Variants in NOSTRIN observed in about 807,000 individuals in gnomAD.
NOSTRIN encodes nitric oxide synthase trafficking, also known as BM247 homolog.
A neutral mutation model predicts 59.0 loss-of-function variants in NOSTRIN; 63 were observed. That is an observed-to-expected ratio of 1.07 (90% CI 0.87 to 1.32). The LOEUF is 1.32. Ranked by LOEUF, NOSTRIN falls within the 40% of genes most tolerant of loss-of-function variation. The pLI is 0.00. For missense variants in NOSTRIN, 512 were observed against 473.1 expected (o/e 1.08, Z -0.76); for synonymous variants, 200 against 165.4 (o/e 1.21, Z -1.61).
At chr2:168,796,556 G>T (rs1460483693), upstream of NOSTRIN, among the ~76,000 whole-genome samples, 1 of 152,164 alleles carries the variant, frequency 6.6e-6, no homozygotes, top group African/African-American at 2.4e-5. Context: ...GCTCATTCTA[G>T]ACTCCAGCTC....
rs768583694 is a variant in NOSTRIN at position 168,859,550 on chromosome 2, C to CA, written c.1095dup (p.Leu366ThrfsTer9). The CA allele has an allele frequency of 1.2e-6, 2 of 1,614,114 alleles. No individual in the cohort carries two copies. Among genetic ancestry groups the CA allele is most frequent in the Non-Finnish European group, 8.5e-7 (1 of 1,179,992 alleles). On this transcript the variant is annotated frameshift_variant, in exon 13 of 16. Coordinates refer to ENST00000317647, the MANE Select transcript of NOSTRIN (RefSeq NM_001039724.4). LOFTEE classifies it high-confidence loss of function. ...TAGACCTTTTGGAAGCGAACTCCTACAAACTGTCATCAATGTTAGCAGAAC... is the reference window on the plus strand; with the variant it reads ...TAGACCTTTTGGAAGCGAACTCCTACAAAACTGTCATCAATGTTAGCAGAAC...
intron 8 of NOSTRIN, among the ~76,000 whole-genome samples, chr2:168,844,469 G>C (rs927780464): frequency 2.6e-5 from 4 of 152,178 alleles, no homozygotes; most frequent in Non-Finnish European, 5.9e-5. Flanking sequence ...AGTACTTGGT[G>C]CTCAGTGCTC....
intron 2 of NOSTRIN, among the ~76,000 whole-genome samples, chr2:168,812,471 T>C (rs1400988858): frequency 6.6e-6 from 1 of 152,136 alleles, no homozygotes; most frequent in Middle Eastern, 3.2e-3. Context: ...GAGATACTCT[T>C]CTGAAAACGA....
At chr2:168,795,284 T>C (rs1353308242), upstream of NOSTRIN, among the ~76,000 whole-genome samples, 1 of 152,226 alleles carries the variant, frequency 6.6e-6, no homozygotes, top group African/African-American at 2.4e-5. Flanking sequence ...AAATTGAGAT[T>C]TGTAAGACTG....
At chr2:168,848,489 C>T (rs1688559133) in intron 8 of NOSTRIN, among the ~76,000 whole-genome samples, 1 of 152,246 alleles carries the variant, frequency 6.6e-6, no homozygotes, top group South Asian at 2.1e-4. Context: ...GTGATTGGCA[C>T]AGATGTTCAT....
intron 2 of NOSTRIN, among the ~76,000 whole-genome samples, chr2:168,816,668 C>G (rs747567579): frequency 8.5e-5 from 13 of 152,196 alleles, no homozygotes; most frequent in Non-Finnish European, 1.9e-4. Context: ...AAAAAATGTT[C>G]CTCAGTTCTA....
At chr2:168,851,007 G>A (rs1688734130) in intron 8 of NOSTRIN, 77 bp from the exon 9 acceptor site, 1 of 914,014 alleles carries the variant, frequency 1.1e-6, no homozygotes, top group African/African-American at 1.6e-5. Flanking sequence ...CTGTCTTCAG[G>A]TGTGTCAGTG....
chr2:168,856,722 ACCT>A lies in NOSTRIN; in HGVS notation c.1004_1006del (p.Ser335del). ...ACGAATGCTTAAAACGTACTCCAGC[ACCT>A]CCTCCTTCTCTGATGCAAAGAGCCA... On this transcript the variant is annotated inframe_deletion, in exon 12 of 16. Transcript: ENST00000317647. The A allele has an allele frequency of 1.9e-6, 3 of 1,614,102 alleles. No homozygotes were observed. The highest frequency in any genetic ancestry group is 2.5e-6 in the Non-Finnish European group (3 of 1,180,010).
intron 3 of NOSTRIN, among the ~76,000 whole-genome samples, chr2:168,826,299 T>G (rs1246815138): frequency 1.3e-5 from 2 of 152,176 alleles, no homozygotes; most frequent in African/African-American, 4.8e-5. Context: ...AGGTCCAGAA[T>G]GTTAGGCCAA....
At chr2:168,809,465 T>C (rs984117497) in intron 1 of NOSTRIN, among the ~76,000 whole-genome samples, 3 of 152,178 alleles carry the variant, frequency 2.0e-5, no homozygotes, top group African/African-American at 7.2e-5. Flanking sequence ...ATTTAGGCAT[T>C]TTCTTCTCAT....
chr2:168,797,079 C>CTTTTTTTTTTTTTTTTTTTTTTTT (rs775176252), upstream of NOSTRIN, among the ~76,000 whole-genome samples: 14 of 75,052 alleles, frequency 1.9e-4, 1 homozygote, highest in Middle Eastern at 8.9e-3. Context: ...TTTCTTTTTT[C>CTTTTTTTTTTTTTTTTTTTTTTTT]TTTTTTTTTT....
intron 7 of NOSTRIN, among the ~76,000 whole-genome samples, chr2:168,841,738 AAG>A (rs1410102870): frequency 6.6e-6 from 1 of 152,236 alleles, no homozygotes; most frequent in Non-Finnish European, 1.5e-5. Flanking sequence ...AATCACTGAC[AAG>A]AGACAGATGA....
At position 168,834,118 on chromosome 2, in the gene NOSTRIN, A is replaced by G. The variant is rs115406628; in HGVS notation, c.406-109A>G. The stretch of plus-strand genomic sequence containing the variant: ...CAGCCTTTGGAGGATTCTAGGATAC[A>G]TAATTGTTAAAGCTAGCACATGAAT... On this transcript the variant is annotated intron_variant, in intron 6 of 15. Transcript: ENST00000317647. 2,289 of 652,294 alleles carry G rather than the reference A, an allele frequency of 3.5e-3. 40 individuals carry two copies. The African/African-American group carries it at 0.036, about 10-fold the overall frequency. The allele number at this position is 652,294 out of a possible 1,614,324, so 40.4% of individuals were successfully genotyped here.
At chr2:168,851,871 A>G (rs1688787634) in intron 10 of NOSTRIN, among the ~76,000 whole-genome samples, 1 of 152,138 alleles carries the variant, frequency 6.6e-6, no homozygotes, top group African/African-American at 2.4e-5. Flanking sequence ...ACCCCTCCCA[A>G]GGCTGCAATC....
chr2:168,836,736 C>A (rs954093960), intron 7 of NOSTRIN, among the ~76,000 whole-genome samples: 4 of 152,198 alleles, frequency 2.6e-5, no homozygotes, highest in Admixed American at 1.3e-4. Context: ...GAAGTAATAG[C>A]ATTTACATAT....
At position 168,820,948 on chromosome 2, in the gene NOSTRIN, A is replaced by T. The variant is rs114444109; in HGVS notation, c.114-3686A>T. Among the ~76,000 whole-genome samples, 689 of 152,346 alleles carry T rather than the reference A, an allele frequency of 4.5e-3. 3 individuals carry two copies. The highest frequency in any genetic ancestry group is 0.016 in the African/African-American group (662 of 41,572). On this transcript the variant is annotated intron_variant, in intron 2 of 15. Coordinates refer to ENST00000317647, the MANE Select transcript of NOSTRIN (RefSeq NM_001039724.4). ...TTCTGAGGAAGAGGCTGTGACTGAC[A>T]GTGTTACCTTTCCTGTTAAAAACCA... is the stretch of plus-strand genomic sequence containing the variant.
intron 1 of NOSTRIN, among the ~76,000 whole-genome samples, chr2:168,808,502 G>A (rs1381500908): frequency 6.6e-6 from 1 of 152,198 alleles, no homozygotes; most frequent in Non-Finnish European, 1.5e-5. Context: ...CCGTAAACAT[G>A]CATCCAGGTC....
chr2:168,789,124 G>T (rs1045809511), intron 2 of NOSTRIN, among the ~76,000 whole-genome samples: 1 of 152,108 alleles, frequency 6.6e-6, no homozygotes, highest in African/African-American at 2.4e-5. Context: ...GCAAAGGCTG[G>T]GTGTGGAACA....
rs748608260 is a variant in NOSTRIN at position 168,843,065 on chromosome 2, C to T, written c.578C>T (p.Ala193Val). The change falls in exon 8 of 16, where the codon GCG (alanine) becomes GTG (valine). Residue 193 changes from alanine to valine, a missense_variant. Ala to Val is a moderately conservative substitution (Grantham distance 64). Transcript: ENST00000317647. The part of the protein sequence containing the change: ...EDENYYQKNM[A>V]GYSTRLKWEN... ...GAAAATTACTACCAAAAAAACATGG[C>T]GGGTTATTCTACCAGACTGAAATGG... The T allele has an allele frequency of 2.8e-5, 24 of 872,068 alleles. No individual in the cohort carries two copies. Among genetic ancestry groups the T allele is most frequent in the East Asian group, 9.6e-5 (4 of 41,680 alleles). 54.0% of individuals were successfully genotyped at this position (872,068 alleles called of 1,614,324 possible). A position where few individuals can be genotyped will look rare whatever the true frequency, so the allele number is the denominator to read the frequency against.
Sources: gnomAD v4.1 joint callset for allele counts (sites outside exome capture counted in the v4.1 genomes callset) on GRCh38, gnomAD v4.1.1 for gene constraint, MANE v1.5 for transcripts, NCBI Gene and HGNC (gene_info 2026-07-23, HGNC 2026-07-21) for gene names.